POM121: variants seen among roughly 807,000 people sequenced by gnomAD.
The protein encoded by POM121 is POM121 transmembrane nucleoporin.
Under a neutral mutation model 81.3 loss-of-function variants are expected in POM121, and 32 were observed. The observed-to-expected ratio is 0.39, with a 90% CI of 0.30 to 0.53. The LOEUF (loss-of-function observed/expected upper bound fraction) is 0.53. POM121 is among the 20% of genes least tolerant of loss of function. The probability of loss-of-function intolerance (pLI) is 0.66; values close to 1 mark genes in which losing one functional copy is unlikely to be tolerated. For synonymous variants in POM121, 514 were observed against 694.2 expected, an observed-to-expected ratio of 0.74 and a Z score of 4.08; for missense variants, 1,138 against 1,614.6, an observed-to-expected ratio of 0.70 and a Z score of 5.06.
downstream of POM121, chr7:72,949,692 C>T (rs1261775318): frequency 1.4e-6 from 1 of 689,720 alleles, no homozygotes; most frequent in African/African-American, 1.8e-5. Flanking sequence ...CATCTCACAC[C>T]TGCAGTGGGG....
At chr7:72,887,106 C>G (rs1790798030) in intron 1 of POM121, among the ~76,000 whole-genome samples, 1 of 152,156 alleles carries the variant, frequency 6.6e-6, no homozygotes, top group Non-Finnish European at 1.5e-5. Context: ...TATGTAACTT[C>G]TGTTGCTGTC....
Position 72,945,610 on chromosome 7 carries a change from T to A in POM121, c.3554T>A (p.Leu1185Gln), listed in dbSNP as rs17406301. Residue 1185 changes from leucine to glutamine, a missense_variant, in exon 12 of 13, where the codon CTG becomes CAG. Transcript: ENST00000434423. ...GGCACCGCCACCCCCACCTTTGGTC[T>A]GAACACCCCTGCGCCTGGAGTGGGC... ...FGGTATPTFGLNTPAPGVGTS... is the reference protein window; with the variant it reads ...FGGTATPTFGQNTPAPGVGTS... 39 of 1,613,398 alleles carry A rather than the reference T, an allele frequency of 2.4e-5. No homozygotes were observed. The highest frequency in any genetic ancestry group is 2.3e-4 in the Admixed American group (14 of 59,940).
chr7:72,942,149 C>T lies in POM121; in HGVS notation c.2156C>T (p.Pro719Leu). Residue 719 changes from proline (P) to leucine (L), a missense_variant, in exon 11 of 13, where the codon CCT becomes CTT. Coordinates refer to ENST00000434423, the MANE Select transcript of POM121 (RefSeq NM_001387691.1). ...QNTSPSSPAA[P>L]AASSAPPMFK... ...ACCTCACCTTCCAGCCCTGCCGCCC[C>T]TGCTGCATCTTCAGCACCTCCCATG... 5 of 1,608,856 alleles carry T rather than the reference C, an allele frequency of 3.1e-6. No individual in the cohort carries two copies. The highest frequency in any genetic ancestry group is 3.4e-6 in the Non-Finnish European group (4 of 1,179,812).
At chr7:72,917,931 T>A (rs1273787301) in intron 4 of POM121, among the ~76,000 whole-genome samples, 2 of 152,144 alleles carry the variant, frequency 1.3e-5, no homozygotes, top group Non-Finnish European at 2.9e-5. Flanking sequence ...GGGTCACATG[T>A]CCACTGGACA....
intron 3 of POM121, among the ~76,000 whole-genome samples, chr7:72,891,973 G>A (rs571963276): frequency 9.9e-5 from 15 of 152,246 alleles, no homozygotes; most frequent in South Asian, 6.2e-4. Flanking sequence ...ATGATGTAGC[G>A]CTCCCTCAGC....
chr7:72,931,295 C>G (rs1187347547), intron 5 of POM121, among the ~76,000 whole-genome samples: 3 of 151,954 alleles, frequency 2.0e-5, no homozygotes, highest in African/African-American at 7.3e-5. Flanking sequence ...TGCTTTTTGC[C>G]CACCTTCCCA....
chr7:72,886,322 C>T (rs1278877625), intron 1 of POM121, among the ~76,000 whole-genome samples: 10 of 152,110 alleles, frequency 6.6e-5, no homozygotes, highest in African/African-American at 1.7e-4. Flanking sequence ...TACAGACACC[C>T]ACCATCACGC....
At chr7:72,911,213 A>G (rs184260561) in intron 3 of POM121, among the ~76,000 whole-genome samples, 6 of 152,296 alleles carry the variant, frequency 3.9e-5, no homozygotes, top group African/African-American at 7.2e-5. Flanking sequence ...CAAACTCCTG[A>G]CCTCAGGTGA....
Position 72,892,705 on chromosome 7 carries a change from G to A in POM121, c.-216+1595G>A, listed in dbSNP as rs71560457. Among the ~76,000 whole-genome samples, 37 of 146,490 alleles carry A rather than the reference G, an allele frequency of 2.5e-4. No individual in the cohort carries two copies. In the South Asian group the frequency reaches 7.4e-3, roughly 29 times the overall value. The stretch of plus-strand genomic sequence containing the variant: ...TTTGAGATAGTGTCTCGCTCTTGTC[G>A]CCCAGGCTGGAGTGCAATGGCATGA... On this transcript the variant is annotated intron_variant, in intron 3 of 15. Coordinates refer to the POM121 transcript ENST00000395270.
At chr7:72,910,901 C>T (rs1388740839) in intron 3 of POM121, among the ~76,000 whole-genome samples, 32 of 152,146 alleles carry the variant, frequency 2.1e-4, no homozygotes, top group African/African-American at 6.3e-4. Context: ...CAAACCACCC[C>T]AGGAACTCAC....
chr7:72,924,056 C>T (rs1170838396), upstream of POM121, among the ~76,000 whole-genome samples: 9 of 152,112 alleles, frequency 5.9e-5, no homozygotes, highest in South Asian at 2.1e-4. Flanking sequence ...CGCCATTCTC[C>T]TGCCTCAGCC....
rs1298536417 is a variant in POM121, at chr7:72,943,593, C to T, written c.3529+71C>T. ...GCTGTGCCTGCGAAGCCTGTGGTCT[C>T]GGGGAGCTTATGCTGTGGCAGTGAA... On this transcript the variant is annotated intron_variant, in intron 11 of 12. Transcript: ENST00000434423. 1.3e-5 allele frequency: 20 copies of T among 1,544,008 alleles called. 2 individuals are homozygous for T. The highest frequency in any genetic ancestry group is 9.9e-5 in the South Asian group (8 of 80,610).
chr7:72,941,452 G>A (rs533395971), intron 10 of POM121, among the ~76,000 whole-genome samples: 10 of 148,496 alleles, frequency 6.7e-5, no homozygotes, highest in African/African-American at 2.2e-4. Flanking sequence ...CCTGGGGTTC[G>A]TACGCACCCT....
upstream of POM121, among the ~76,000 whole-genome samples, chr7:72,923,123 C>G (rs541645206): frequency 1.1e-4 from 17 of 148,890 alleles, no homozygotes; most frequent in South Asian, 6.6e-4. Context: ...ACCCCCCCCC[C>G]CTTTTTTTTT....
intron 1 of POM121, among the ~76,000 whole-genome samples, chr7:72,883,948 C>T (rs1263612425): frequency 6.6e-6 from 1 of 152,110 alleles, no homozygotes; most frequent in Non-Finnish European, 1.5e-5. Flanking sequence ...CAGAGTCTCA[C>T]TCTGTCACCC....
Position 72,947,163 on chromosome 7 carries a change from G to A in POM121, c.*929G>A, listed in dbSNP as rs1410247081. The A allele has an allele frequency of 3.8e-5, 12 of 319,206 alleles. 3 individuals carry two copies. Among genetic ancestry groups the A allele is most frequent in the Non-Finnish European group, 4.4e-5 (11 of 251,802 alleles). The allele number at this position is 319,206 out of a possible 1,614,324, so 19.8% of individuals were successfully genotyped here. ...AGTTGAGTTGTATGAGTGGCGGCAT[G>A]TTGGTAGTGCCGGACTTCCTGTTTC... On this transcript the variant is annotated 3_prime_UTR_variant, in exon 13 of 13. Coordinates refer to ENST00000434423, the MANE Select transcript of POM121 (RefSeq NM_001387691.1).
Position 72,925,553 on chromosome 7 carries a change from C to T in POM121, c.432C>T (p.Pro144=). 6.6e-7 allele frequency: 1 copy of T among 1,524,482 alleles called. No homozygotes were observed. Among genetic ancestry groups the T allele is most frequent in the Non-Finnish European group, 8.8e-7 (1 of 1,141,030 alleles). 94.4% of individuals were successfully genotyped at this position (1,524,482 alleles called of 1,614,324 possible). A position where few individuals can be genotyped will look rare whatever the true frequency, so the allele number is the denominator to read the frequency against. The change falls in exon 1 of 13, where the codon CCC becomes CCT. Residue 144 remains proline, a synonymous_variant. Transcript: ENST00000434423. ...LLLMGSYLGK[P]GPPQPAAAPE... ...TCATGGGCAGTTACCTGGGCAAGCC[C>T]GGGCCGCCGCAGCCCGCCGCCGCTC...
downstream of POM121, chr7:72,948,606 A>G (rs7051): frequency 3.9e-4 from 617 of 1,581,462 alleles, 10 homozygotes; most frequent in South Asian, 2.6e-3. Context: ...AGCTAGAGAA[A>G]TGTAGATGTT....
intron 1 of POM121, among the ~76,000 whole-genome samples, chr7:72,884,007 G>C (rs1554489683): frequency 6.6e-6 from 1 of 152,100 alleles, no homozygotes; most frequent in Non-Finnish European, 1.5e-5. Context: ...CTGTGCTCAA[G>C]TGATCCTCCC....
Sources: gnomAD v4.1 joint callset for allele counts (sites outside exome capture counted in the v4.1 genomes callset) on GRCh38, gnomAD v4.1.1 for gene constraint, MANE v1.5 for transcripts, NCBI Gene and HGNC (gene_info 2026-07-23, HGNC 2026-07-21) for gene names.